The following GSK3A variants were observed in gnomAD, a reference collection of about 807,000 sequenced individuals.
GSK3A encodes glycogen synthase kinase 3 alpha, also known as glycogen synthase kinase-3 alpha.
Under a neutral mutation model 56.6 loss-of-function variants are expected in GSK3A, and 14 were observed. The observed-to-expected ratio is 0.25, with a 90% CI of 0.16 to 0.39. The LOEUF (loss-of-function observed/expected upper bound fraction) is 0.39, where lower values mean the gene tolerates loss of function less well. Ranked by LOEUF, GSK3A falls within the 10% of genes least tolerant of loss-of-function variation. The pLI, the probability that GSK3A is intolerant of heterozygous loss-of-function variation, is 1.00. For missense variants in GSK3A, 450 were observed against 656.0 expected (o/e 0.69, Z 3.43); for synonymous variants, 301 against 285.0 (o/e 1.06, Z -0.56).
In GSK3A at chr19:42,232,129, G is replaced by C; in HGVS notation, c.1306C>G (p.Leu436Val). The part of the protein sequence containing the change: ...SAGELSIQPS[L>V]NAILIPPHLR... ...TGAGGAGGGATGAGAATGGCGTTGA[G>C]AGACGGTTGGATGGAGAGTTCTAGA... Residue 436 changes from leucine to valine, a missense_variant, in exon 10 of 11, where the codon CTC becomes GTC. Coordinates refer to ENST00000222330, the MANE Select transcript of GSK3A (RefSeq NM_019884.3). 1 of 1,605,300 alleles carries C rather than the reference G, an allele frequency of 6.2e-7. No homozygotes were observed. Among genetic ancestry groups the C allele is most frequent in the Non-Finnish European group, 8.5e-7 (1 of 1,172,498 alleles).
chr19:42,231,306 G>C (rs2036222338), intron 10 of GSK3A, among the ~76,000 whole-genome samples: 1 of 152,198 alleles, frequency 6.6e-6, no homozygotes, highest in South Asian at 2.1e-4. Flanking sequence ...GTTGGAGTGA[G>C]CCGGGATTGT....
rs2036282632 is a variant in GSK3A at position 42,240,155 on chromosome 19, G to A, written c.284-13C>T. ...TTCCCGCTGTCACCTGGGGAACAAA[G>A]GGGATACACGATCCACTGACCCATC... On this transcript the variant is annotated splice_polypyrimidine_tract_variant and intron_variant, in intron 1 of 10. Transcript: ENST00000222330. 2 of 1,613,076 alleles carry A rather than the reference G, an allele frequency of 1.2e-6. No individual in the cohort carries two copies. The highest frequency in any genetic ancestry group is 2.2e-5 in the East Asian group (1 of 44,876).
chr19:42,231,270 G>C (rs941973986), intron 10 of GSK3A, among the ~76,000 whole-genome samples: 3 of 152,174 alleles, frequency 2.0e-5, no homozygotes, highest in Non-Finnish European at 2.9e-5. Flanking sequence ...TGAGGCAGGA[G>C]AATCACTTGA....
chr19:42,241,953 T>C, intron 1 of GSK3A: 1 of 395,096 alleles, frequency 2.5e-6, no homozygotes, highest in South Asian at 1.2e-4. Context: ...AACAGAGACT[T>C]GTAACCCGTT....
intron 1 of GSK3A, 27 bp downstream of exon 1, chr19:42,242,156 C>T: frequency 7.4e-7 from 1 of 1,348,580 alleles, no homozygotes; most frequent in Non-Finnish European, 9.5e-7. Context: ...CTAATCACCA[C>T]CCTACACGGG....
chr19:42,242,345 A>G lies in GSK3A; in HGVS notation c.121T>C (p.Ser41Pro). The change falls in exon 1 of 11, where the codon TCC (serine) becomes CCC (proline). Residue 41 changes from serine (S) to proline (P), a missense_variant. By Grantham distance (74) the Ser-to-Pro change is moderately conservative. Transcript: ENST00000222330. Reference sequence around the variant, plus strand: ...CCGCCGCCGGTGCCGCCTGGGCCGGAGGCCGAGCCTCCGGGGCCGCCGCCG... The same window carrying G: ...CCGCCGCCGGTGCCGCCTGGGCCGGGGGCCGAGCCTCCGGGGCCGCCGCCG... ...GGGGGPGGSA[S>P]GPGGTGGGKA... 1.4e-6 allele frequency: 2 copies of G among 1,418,346 alleles called. No homozygotes were observed. Among genetic ancestry groups the G allele is most frequent in the African/African-American group, 1.5e-5 (1 of 66,266 alleles). The allele number at this position is 1,418,346 out of a possible 1,614,324, so 87.9% of individuals were successfully genotyped here.
Position 42,230,626 on chromosome 19 carries a change from A to C in GSK3A, c.*168T>G. The C allele has an allele frequency of 1.6e-6, 1 of 626,898 alleles. No individual in the cohort carries two copies. Among genetic ancestry groups the C allele is most frequent in the Non-Finnish European group, 2.9e-6 (1 of 344,666 alleles). 38.8% of individuals were successfully genotyped at this position (626,898 alleles called of 1,614,324 possible). On this transcript the variant is annotated 3_prime_UTR_variant, in exon 11 of 11. Transcript: ENST00000222330. ...AAAATCCTCTTAAAAAGCCCACCAC[A>C]GGGGTGAGGCTGGTGAGGGAGGGAC... is the stretch of plus-strand genomic sequence containing the variant.
chr19:42,232,943 A>G, intron 8 of GSK3A, 167 bp downstream of exon 8: 3 of 620,048 alleles, frequency 4.8e-6, no homozygotes, highest in Non-Finnish European at 8.4e-6. Context: ...TGGGTTCTCA[A>G]CTTTTAAAAT....
chr19:42,235,462 G>A (rs2075087), intron 4 of GSK3A, among the ~76,000 whole-genome samples: 51,120 of 151,678 alleles, frequency 0.34, 9,453 homozygotes, highest in East Asian at 0.8. Flanking sequence ...CAGAAGTACC[G>A]TGAGAGCAGG....
At chr19:42,233,235 G>C in intron 7 of GSK3A, 30 bp from the exon 8 acceptor site, 1 of 1,591,046 alleles carries the variant, frequency 6.3e-7, no homozygotes, top group South Asian at 1.1e-5. Flanking sequence ...TCTGAGACAA[G>C]GGCCCCATCC....
Position 42,234,400 on chromosome 19 carries a change from C to A in GSK3A, c.857G>T (p.Arg286Leu). 6.2e-7 allele frequency: 1 copy of A among 1,614,106 alleles called. No homozygotes were observed. The highest frequency in any genetic ancestry group is 8.5e-7 in the Non-Finnish European group (1 of 1,179,990). Residue 286 changes from arginine (R) to leucine (L), a missense_variant, in exon 6 of 11, where the codon CGG becomes CTG. Arg to Leu is a moderately radical substitution (Grantham distance 102). Around this residue, in one of 3 missense-constraint regions of GSK3A, gnomAD observed 144 missense variants for 308.0 expected, o/e 0.47. Coordinates refer to ENST00000222330, the MANE Select transcript of GSK3A (RefSeq NM_019884.3). The surrounding 1 kb of genome is among the most constrained non-coding windows in gnomAD (Gnocchi z 5.7). ...NVSYICSRYY[R>L]APELIFGATD... is the part of the protein sequence containing the mutation. ...GGCTCCAAAGATGAGCTCTGGGGCC[C>A]GGTAGTAGCGAGAACAGATGTAGGA...
chr19:42,233,142 A>G lies in GSK3A; in HGVS notation c.1066T>C (p.Phe356Leu). The change falls in exon 8 of 11, where the codon TTC becomes CTC. Residue 356 changes from phenylalanine to leucine, a missense_variant. Phe to Leu is a conservative substitution (Grantham distance 22). Transcript: ENST00000222330. ...CAGGGGTGAGCTTTAATCTGAGGGA[A>G]CTTGAACTCCGTGTAGTTGGGGTTC... ...EMNPNYTEFKFPQIKAHPWTK... is the reference protein window; with the variant it reads ...EMNPNYTEFKLPQIKAHPWTK... 1 of 1,606,850 alleles carries G rather than the reference A, an allele frequency of 6.2e-7. No individual in the cohort carries two copies. The highest frequency in any genetic ancestry group is 8.5e-7 in the Non-Finnish European group (1 of 1,176,044).
At chr19:42,240,265 C>T in intron 1 of GSK3A, 123 bp from the exon 2 acceptor site, 1 of 850,256 alleles carries the variant, frequency 1.2e-6, no homozygotes, top group Non-Finnish European at 2.0e-6. Flanking sequence ...TTGTCCCCTC[C>T]TCCTCTTTGA....
intron 2 of GSK3A, among the ~76,000 whole-genome samples, chr19:42,238,843 C>G (rs1375249940): frequency 6.6e-6 from 1 of 151,970 alleles, no homozygotes; most frequent in Non-Finnish European, 1.5e-5. Flanking sequence ...GTGGCCCATG[C>G]CTGCAATCCC....
Position 42,236,692 on chromosome 19 carries a change from C to A in GSK3A, c.580G>T (p.Val194Leu). The change falls in exon 4 of 11, where the codon GTG (valine) becomes TTG (leucine). Residue 194 changes from valine to leucine, a missense_variant. Coordinates refer to ENST00000222330, the MANE Select transcript of GSK3A (RefSeq NM_019884.3). ...ACTGTCTCGGGCACATATTCCAGCACCAGATTTAGGTAAAGCTCGTCTTTC... is the reference window on the plus strand; with the variant it reads ...ACTGTCTCGGGCACATATTCCAGCAACAGATTTAGGTAAAGCTCGTCTTTC... ...EKKDELYLNL[V>L]LEYVPETVYR... is the part of the protein sequence containing the mutation. The A allele has an allele frequency of 3.7e-6, 6 of 1,613,734 alleles. No homozygotes were observed. Among genetic ancestry groups the A allele is most frequent in the Non-Finnish European group, 5.1e-6 (6 of 1,179,784 alleles).
At chr19:42,233,735 C>T (rs1187658040) in intron 6 of GSK3A, among the ~76,000 whole-genome samples, 1 of 152,198 alleles carries the variant, frequency 6.6e-6, no homozygotes, top group East Asian at 1.9e-4. Context: ...AAATCCTGGA[C>T]TGCCTTCCTC....
intron 2 of GSK3A, 108 bp from the exon 3 acceptor site, chr19:42,237,049 C>A: frequency 1.3e-6 from 1 of 776,898 alleles, no homozygotes; most frequent in Middle Eastern, 3.0e-4. Flanking sequence ...TGTGTCCCAG[C>A]TCCAAGGTCC....
Position 42,242,583 on chromosome 19 carries a change from G to T in GSK3A, c.-118C>A. The T allele has an allele frequency of 1.2e-6, 1 of 832,164 alleles. No individual in the cohort carries two copies. The highest frequency in any genetic ancestry group is 1.6e-6 in the Non-Finnish European group (1 of 634,840). The allele number at this position is 832,164 out of a possible 1,614,324, so 51.5% of individuals were successfully genotyped here. On this transcript the variant is annotated 5_prime_UTR_variant, in exon 1 of 11. Coordinates refer to ENST00000222330, the MANE Select transcript of GSK3A (RefSeq NM_019884.3). The stretch of plus-strand genomic sequence containing the variant: ...TTCCAGGCCGCGCCGCTCTGGCTTG[G>T]GCTCCGGCTCCGGCCCAGCGCCCGC...
At chr19:42,232,438 A>G (rs1474540183) in intron 9 of GSK3A, 58 bp downstream of exon 9, 1 of 1,517,478 alleles carries the variant, frequency 6.6e-7, no homozygotes, top group East Asian at 2.3e-5. Flanking sequence ...AGCTCCTCAC[A>G]ATCTTTGGCT....
Sources: allele counts gnomAD v4.1 joint callset (sites outside exome capture counted in the v4.1 genomes callset), GRCh38; gene constraint gnomAD v4.1.1; regional missense constraint gnomAD v4.1.1; non-coding constraint Gnocchi (gnomAD v3.1); transcripts MANE v1.5; gene names NCBI Gene and HGNC (gene_info 2026-07-23, HGNC 2026-07-21).